The following FBN2 variants were observed in gnomAD, a reference collection of about 807,000 sequenced individuals.
The protein encoded by FBN2 is fibrillin 2, also known as fibrillin-2.
Under a neutral mutation model 355.6 loss-of-function variants are expected in FBN2, and 105 were observed. The ratio of observed to expected loss-of-function variants is 0.30; its 90% CI spans 0.25 to 0.35. The LOEUF is 0.35. Ranked by LOEUF, FBN2 falls within the 10% of genes least tolerant of loss-of-function variation. FBN2 has a pLI of 1.00. For synonymous variants in FBN2, 1,350 were observed against 1,301.2 expected (o/e 1.04, Z -0.81); for missense variants, 3,280 against 3,758.7 (o/e 0.87, Z 3.33).
chr5:128,319,361 TCTAA>T (rs1471383881), intron 34 of FBN2, among the ~76,000 whole-genome samples: 2 of 151,976 alleles, frequency 1.3e-5, no homozygotes, highest in Non-Finnish European at 2.9e-5. Context: ...ATTCAAAGAT[TCTAA>T]CTAATTAGTG....
intron 16 of FBN2, among the ~76,000 whole-genome samples, chr5:128,368,381 T>C (rs1014831507): frequency 1.3e-5 from 2 of 149,912 alleles, no homozygotes; most frequent in Admixed American, 6.7e-5. Flanking sequence ...TCAAGATATA[T>C]ATATAGAGAG....
chr5:128,275,157 C>A (rs1292348221), intron 59 of FBN2, among the ~76,000 whole-genome samples: 3 of 152,178 alleles, frequency 2.0e-5, no homozygotes, highest in Non-Finnish European at 4.4e-5. Context: ...CAAAATACAA[C>A]ACCTGTAATT....
At chr5:128,465,634 G>A (rs1038394877) in intron 5 of FBN2, among the ~76,000 whole-genome samples, 17 of 152,130 alleles carry the variant, frequency 1.1e-4, no homozygotes, top group African/African-American at 4.1e-4. Context: ...TCATTAATAA[G>A]GCACATAGTC....
intron 64 of FBN2, 68 bp from the exon 65 acceptor site, chr5:128,259,897 C>A: frequency 6.5e-7 from 1 of 1,545,862 alleles, no homozygotes; most frequent in Non-Finnish European, 8.9e-7. Context: ...AGAAAGAGAT[C>A]AGCTGCAGGG....
intron 5 of FBN2, 130 bp downstream of exon 5, chr5:128,519,143 T>G: frequency 1.3e-6 from 1 of 747,004 alleles, no homozygotes; most frequent in Non-Finnish European, 2.4e-6. Context: ...ACCATTCAAC[T>G]TAGAGACATA....
At chr5:128,285,523 T>C (rs1385562439) in intron 55 of FBN2, among the ~76,000 whole-genome samples, 6 of 151,392 alleles carry the variant, frequency 4.0e-5, no homozygotes, top group Non-Finnish European at 8.8e-5. Context: ...ATGCTGCTCT[T>C]GGTCTTTTCT....
chr5:128,438,448 T>C (rs1486697013), intron 7 of FBN2, among the ~76,000 whole-genome samples: 1 of 152,276 alleles, frequency 6.6e-6, no homozygotes, highest in Non-Finnish European at 1.5e-5. Context: ...CAGCAATTAA[T>C]GGGAGGATCA....
At chr5:128,524,357 C>T (rs944610494) in intron 4 of FBN2, among the ~76,000 whole-genome samples, 7 of 152,262 alleles carry the variant, frequency 4.6e-5, no homozygotes, top group Non-Finnish European at 1.0e-4. Context: ...CTTTATTCTT[C>T]TCCTAAAACT....
At chr5:128,468,826 T>C (rs2127089948) in intron 5 of FBN2, among the ~76,000 whole-genome samples, 1 of 152,296 alleles carries the variant, frequency 6.6e-6, no homozygotes, top group Admixed American at 6.5e-5. Flanking sequence ...AAATAAAATA[T>C]AATACACTTG....
rs28763951 is a variant in FBN2 at position 128,378,812 on chromosome 5, T to C, written c.1682A>G (p.His561Arg). The C allele has an allele frequency of 8.1e-6, 13 of 1,613,120 alleles. No individual in the cohort carries two copies. The East Asian group carries it at 2.7e-4, about 33-fold the overall frequency. Residue 561 changes from histidine (H) to arginine (R), a missense_variant, in exon 12 of 65, where the codon CAT becomes CGT. By Grantham distance (29) the His-to-Arg change is conservative. Transcript: ENST00000262464. ...GGTAGGAGTCCTCTGGAATCCAGCA[T>C]GACATTTACAATAATAGGAACCAGG... ...NTPGSYYCKC[H>R]AGFQRTPTKQ...
intron 7 of FBN2, among the ~76,000 whole-genome samples, chr5:128,414,709 C>G (rs2063248): frequency 0.11 from 16,585 of 152,114 alleles, 1,063 homozygotes; most frequent in African/African-American, 0.17. Flanking sequence ...AACTGACAAA[C>G]TGTTTTCCAA....
chr5:128,331,083 T>G (rs1750678651), intron 32 of FBN2, among the ~76,000 whole-genome samples: 1 of 152,172 alleles, frequency 6.6e-6, no homozygotes. Flanking sequence ...TTAAGTTTAT[T>G]TAATAGATGA....
chr5:128,286,342 C>T (rs1044959408), intron 55 of FBN2, among the ~76,000 whole-genome samples: 41 of 152,196 alleles, frequency 2.7e-4, no homozygotes, highest in African/African-American at 9.7e-4. Context: ...AAAATCACCT[C>T]AGACTAGTTA....
intron 7 of FBN2, among the ~76,000 whole-genome samples, chr5:128,426,004 C>A (rs1043215875): frequency 6.6e-6 from 1 of 152,064 alleles, no homozygotes; most frequent in Non-Finnish European, 1.5e-5. Context: ...AGGTCCTGTA[C>A]GTGTGAAGGT....
At chr5:128,379,785 G>T (rs1752181470) in intron 11 of FBN2, among the ~76,000 whole-genome samples, 1 of 151,980 alleles carries the variant, frequency 6.6e-6, no homozygotes, top group Non-Finnish European at 1.5e-5. Context: ...TTCAATCCTT[G>T]CAAATTAAAA....
At chr5:128,300,695 A>C in intron 48 of FBN2, 122 bp downstream of exon 48, 1 of 956,636 alleles carries the variant, frequency 1.0e-6, no homozygotes, top group Non-Finnish European at 1.7e-6. Context: ...GTAGGCAGCT[A>C]TATGTTTAAT....
chr5:128,321,973 A>G (rs543864364), intron 34 of FBN2, among the ~76,000 whole-genome samples: 20 of 152,220 alleles, frequency 1.3e-4, no homozygotes, highest in African/African-American at 4.8e-4. Context: ...TGACTTTTTA[A>G]TGATCGTCAT....
chr5:128,456,675 C>T (rs1754404419), intron 6 of FBN2, among the ~76,000 whole-genome samples: 1 of 152,002 alleles, frequency 6.6e-6, no homozygotes, highest in Non-Finnish European at 1.5e-5. Flanking sequence ...AAGTGAACCC[C>T]CAGCAAACTG....
intron 12 of FBN2, 34 bp downstream of exon 12, chr5:128,378,737 G>A: frequency 1.2e-6 from 2 of 1,611,140 alleles, no homozygotes; most frequent in Non-Finnish European, 1.7e-6. Flanking sequence ...ATATTTCATG[G>A]AACATTTTCA....
Sources: gnomAD v4.1 joint callset for allele counts (sites outside exome capture counted in the v4.1 genomes callset) on GRCh38, gnomAD v4.1.1 for gene constraint, MANE v1.5 for transcripts, NCBI Gene and HGNC (gene_info 2026-07-23, HGNC 2026-07-21) for gene names.